ERC2: variants seen among roughly 807,000 people sequenced by gnomAD.
The protein encoded by ERC2 is ERC protein 2.
A neutral mutation model predicts 114.8 loss-of-function variants in ERC2; 42 were observed. The ratio of observed to expected loss-of-function variants is 0.37; its 90% CI spans 0.29 to 0.47. The LOEUF is 0.47. Ranked by LOEUF, ERC2 falls within the 20% of genes least tolerant of loss-of-function variation. The pLI, the probability that ERC2 is intolerant of heterozygous loss-of-function variation, is 0.99. For synonymous variants in ERC2, 454 were observed against 425.5 expected, an observed-to-expected ratio of 1.07 and a Z score of -0.82; for missense variants, 939 against 1,150.7, an observed-to-expected ratio of 0.82 and a Z score of 2.66.
At chr3:55,855,295 G>A (rs1441571108) in intron 14 of ERC2, among the ~76,000 whole-genome samples, 1 of 152,144 alleles carries the variant, frequency 6.6e-6, no homozygotes, top group Admixed American at 6.6e-5. Context: ...TAACACACAA[G>A]ATGAGAAATT....
rs375069315 is a variant in ERC2, at chr3:55,888,498, T to C, written c.2455A>G (p.Thr819Ala). The C allele has an allele frequency of 1.1e-5, 17 of 1,613,802 alleles. No individual in the cohort carries two copies. Among genetic ancestry groups the C allele is most frequent in the Non-Finnish European group, 1.4e-5 (16 of 1,179,860 alleles). ...LEKTRQELDA[T>A]KARLASTQQS... ...TGTGTGGAGGCGAGGCGTGCTTTGGTGGCATCCAGTTCCTGTCTGGTCTTC... is the reference window on the plus strand; with the variant it reads ...TGTGTGGAGGCGAGGCGTGCTTTGGCGGCATCCAGTTCCTGTCTGGTCTTC... The change falls in exon 14 of 18, where the codon ACC becomes GCC. Residue 819 changes from threonine to alanine, a missense_variant. Physicochemically the swap from Thr to Ala is moderately conservative, Grantham distance 58. Coordinates refer to ENST00000288221, the MANE Select transcript of ERC2 (RefSeq NM_015576.3).
At chr3:56,089,973 G>A (rs1226039209) in intron 6 of ERC2, among the ~76,000 whole-genome samples, 1 of 152,190 alleles carries the variant, frequency 6.6e-6, no homozygotes, top group Non-Finnish European at 1.5e-5. Flanking sequence ...TGGGGCAGGA[G>A]TACTGCCTTC....
At chr3:55,971,604 G>A in intron 12 of ERC2, among the ~76,000 whole-genome samples, 1 of 152,064 alleles carries the variant, frequency 6.6e-6, no homozygotes. Context: ...ATATAGATTG[G>A]GGTATGAAGA....
chr3:55,934,742 C>T (rs554262989), intron 13 of ERC2, among the ~76,000 whole-genome samples: 1 of 152,300 alleles, frequency 6.6e-6, no homozygotes, highest in East Asian at 1.9e-4. Context: ...GAATCAACAT[C>T]ATCCACAATG....
chr3:55,513,448 T>C (rs2052247508), intron 17 of ERC2, among the ~76,000 whole-genome samples: 1 of 152,180 alleles, frequency 6.6e-6, no homozygotes, highest in African/African-American at 2.4e-5. Context: ...CAGCTCTTTA[T>C]CTGATCGATC....
intron 14 of ERC2, among the ~76,000 whole-genome samples, chr3:55,827,948 G>A (rs1476166864): frequency 2.0e-5 from 3 of 152,196 alleles, no homozygotes; most frequent in Non-Finnish European, 4.4e-5. Context: ...AGACAACATC[G>A]CCTGTGTTCA....
At chr3:56,461,923 A>T (rs2063334925) in intron 1 of ERC2, among the ~76,000 whole-genome samples, 1 of 152,236 alleles carries the variant, frequency 6.6e-6, no homozygotes, top group African/African-American at 2.4e-5. Context: ...AAGTAAAGAG[A>T]AGAAAAAAAG....
chr3:56,088,437 C>T (rs1302288285), intron 6 of ERC2, among the ~76,000 whole-genome samples: 1 of 152,092 alleles, frequency 6.6e-6, no homozygotes, highest in Non-Finnish European at 1.5e-5. Flanking sequence ...CCTTCAACTT[C>T]CCTTCTCCTT....
At chr3:55,673,651 C>T (rs967830862) in intron 17 of ERC2, among the ~76,000 whole-genome samples, 2 of 152,032 alleles carry the variant, frequency 1.3e-5, no homozygotes, top group African/African-American at 4.8e-5. Context: ...TATCATGCTC[C>T]CAAGCTAGTG....
At chr3:55,781,728 T>G (rs2069065117) in intron 14 of ERC2, among the ~76,000 whole-genome samples, 1 of 151,570 alleles carries the variant, frequency 6.6e-6, no homozygotes, top group South Asian at 2.1e-4. Context: ...AAAAATTAGC[T>G]GGGTGATGTG....
chr3:55,638,901 T>C (rs1020992634), intron 17 of ERC2, among the ~76,000 whole-genome samples: 1 of 152,186 alleles, frequency 6.6e-6, no homozygotes, highest in Non-Finnish European at 1.5e-5. Context: ...ATGACCTCCA[T>C]CTTATCTTAG....
intron 13 of ERC2, among the ~76,000 whole-genome samples, chr3:55,908,868 T>C (rs148616401): frequency 1.0e-3 from 158 of 152,308 alleles, no homozygotes; most frequent in African/African-American, 3.7e-3. Context: ...TTTCTAGCCA[T>C]AGGGGACAAG....
chr3:56,003,855 G>A (rs890980981), intron 10 of ERC2, among the ~76,000 whole-genome samples: 9 of 151,948 alleles, frequency 5.9e-5, no homozygotes, highest in African/African-American at 2.2e-4. Context: ...ATTTTGTGTT[G>A]AAGATTTAAA....
chr3:56,319,792 G>A (rs1449532190), intron 2 of ERC2, among the ~76,000 whole-genome samples: 1 of 151,928 alleles, frequency 6.6e-6, no homozygotes, highest in African/African-American at 2.4e-5. Flanking sequence ...GCCACATAGC[G>A]AGACCCCATC....
chr3:55,616,509 CAT>C (rs150184069), intron 17 of ERC2, among the ~76,000 whole-genome samples: 54 of 150,952 alleles, frequency 3.6e-4, no homozygotes, highest in African/African-American at 6.1e-4. Context: ...AATATACACA[CAT>C]ATATATATAT....
At chr3:56,357,794 T>C (rs1483158078) in intron 2 of ERC2, among the ~76,000 whole-genome samples, 1 of 148,082 alleles carries the variant, frequency 6.8e-6, no homozygotes, top group Non-Finnish European at 1.5e-5. Context: ...GTATGTCATA[T>C]CCCATAACAT....
intron 6 of ERC2, among the ~76,000 whole-genome samples, chr3:56,118,134 T>G (rs1025361390): frequency 6.6e-6 from 1 of 152,290 alleles, no homozygotes; most frequent in Middle Eastern, 3.4e-3. Flanking sequence ...CTTCAGACAA[T>G]GGGGCCTAGA....
intron 10 of ERC2, among the ~76,000 whole-genome samples, chr3:55,999,771 A>G (rs548463945): frequency 4.6e-5 from 7 of 151,834 alleles, no homozygotes; most frequent in Admixed American, 2.6e-4. Flanking sequence ...GAATGGAAAG[A>G]AATAATATTG....
intron 2 of ERC2, among the ~76,000 whole-genome samples, chr3:56,359,067 T>G (rs2058849949): frequency 6.6e-6 from 1 of 152,242 alleles, no homozygotes; most frequent in Non-Finnish European, 1.5e-5. Context: ...TTAACATGTG[T>G]GTACGTGTGC....
Sources: gnomAD v4.1 joint callset for allele counts (sites outside exome capture counted in the v4.1 genomes callset) on GRCh38, gnomAD v4.1.1 for gene constraint, MANE v1.5 for transcripts, NCBI Gene and HGNC (gene_info 2026-07-23, HGNC 2026-07-21) for gene names.